The following MPC2 variants were observed in gnomAD, a reference collection of about 807,000 sequenced individuals.
The protein encoded by MPC2 is mitochondrial pyruvate carrier 2.
Under a neutral mutation model 19.2 loss-of-function variants are expected in MPC2, and 19 were observed. The ratio of observed to expected loss-of-function variants is 0.99; its 90% CI spans 0.69 to 1.45. The LOEUF (loss-of-function observed/expected upper bound fraction) is 1.45, where lower values mean the gene tolerates loss of function less well. Ranked by LOEUF, MPC2 falls within the 40% of genes most tolerant of loss-of-function variation. The pLI is 0.00. For missense variants in MPC2, 122 were observed against 153.0 expected, an observed-to-expected ratio of 0.80 and a Z score of 1.07; for synonymous variants, 61 against 54.3, an observed-to-expected ratio of 1.12 and a Z score of -0.54.
chr1:167,936,796 G>A, intron 1 of MPC2, 143 bp downstream of exon 1: 1 of 929,696 alleles, frequency 1.1e-6, no homozygotes, highest in South Asian at 1.6e-5. Flanking sequence ...GCTGCGCCCT[G>A]GAGGCCCGGC....
intron 2 of MPC2, among the ~76,000 whole-genome samples, chr1:167,929,312 T>C (rs1670841007): frequency 6.6e-6 from 1 of 151,992 alleles, no homozygotes; most frequent in Non-Finnish European, 1.5e-5. Context: ...TGAGCCGAGA[T>C]TGCACCATTG....
rs1670760564 is a variant in MPC2, at chr1:167,926,594, C to G, written c.110-2057G>C. Among the ~76,000 whole-genome samples, 4 of 152,298 alleles carry G rather than the reference C, an allele frequency of 2.6e-5. No homozygotes were observed. In the South Asian group the frequency reaches 6.2e-4, roughly 24 times the overall value. On this transcript the variant is annotated intron_variant, in intron 2 of 5. Transcript: ENST00000271373. The stretch of plus-strand genomic sequence containing the variant: ...CCCCCAGGGGCATTTTTAGTTGCCC[C>G]AACTGTGGTGCCCCAACTGCTGCAG...
chr1:167,928,488 C>T (rs151163228), intron 2 of MPC2, among the ~76,000 whole-genome samples: 2 of 152,042 alleles, frequency 1.3e-5, no homozygotes, highest in Non-Finnish European at 2.9e-5. Flanking sequence ...ATATATAAAA[C>T]AGATACAGAG....
chr1:167,935,811 C>G lies in MPC2; in HGVS notation c.31G>C (p.Ala11Pro), dbSNP rs761366753. The G allele has an allele frequency of 5.8e-6, 9 of 1,556,080 alleles. No homozygotes were observed. The South Asian group carries it at 7.1e-5, about 12-fold the overall frequency. MSAAGARGLR[A>P]TYHRLLDKVE... ...TTATCGAGGAGCCGGTGGTAGGTGG[C>G]CCGCAGGCCTCGGGCACCGGCGGCC... Residue 11 changes from alanine (A) to proline (P), a missense_variant, in exon 2 of 6, where the codon GCC becomes CCC. Coordinates refer to ENST00000271373, the MANE Select transcript of MPC2 (RefSeq NM_001143674.4).
At position 167,936,966 on chromosome 1, in the gene MPC2, C is replaced by G; in HGVS notation, c.-85G>C. 6.2e-7 allele frequency: 1 copy of G among 1,611,276 alleles called. No homozygotes were observed. Among genetic ancestry groups the G allele is most frequent in the South Asian group, 1.1e-5 (1 of 90,430 alleles). On this transcript the variant is annotated 5_prime_UTR_variant, in exon 1 of 6. Transcript: ENST00000271373. ...GTTGTGGGACGTGAGGAAAAGGTCC[C>G]TCGGGCTGGAGGACCCGTCCCGGCT... is the stretch of plus-strand genomic sequence containing the variant.
intron 2 of MPC2, among the ~76,000 whole-genome samples, chr1:167,933,401 A>C (rs1373516614): frequency 6.6e-6 from 1 of 152,132 alleles, no homozygotes; most frequent in Non-Finnish European, 1.5e-5. Context: ...TCCTGACCTC[A>C]GGTGATCCAC....
chr1:167,932,174 ACT>A (rs1174015470), intron 2 of MPC2, among the ~76,000 whole-genome samples: 1 of 152,084 alleles, frequency 6.6e-6, no homozygotes, highest in Non-Finnish European at 1.5e-5. Flanking sequence ...TAGTTTTTAG[ACT>A]CTTTAGAGCT....
At chr1:167,920,501 T>C in intron 4 of MPC2, 46 bp downstream of exon 4, 2 of 1,586,570 alleles carry the variant, frequency 1.3e-6, no homozygotes, top group Non-Finnish European at 1.7e-6. Flanking sequence ...AAAACAAAAA[T>C]CATTTATGTT....
At chr1:167,936,522 G>A (rs1298309835) in intron 1 of MPC2, 2 of 234,964 alleles carry the variant, frequency 8.5e-6, no homozygotes, top group Non-Finnish European at 1.7e-5. Flanking sequence ...GAGGGCAGCC[G>A]CAGCACACAC....
intron 3 of MPC2, among the ~76,000 whole-genome samples, chr1:167,922,153 TAGAAGA>T: frequency 6.6e-6 from 1 of 152,290 alleles, no homozygotes; most frequent in East Asian, 1.9e-4. Flanking sequence ...AAGTATCTAA[TAGAAGA>T]AGTCTCCCCA....
chr1:167,928,303 G>C (rs1015898312), intron 2 of MPC2, among the ~76,000 whole-genome samples: 1 of 146,444 alleles, frequency 6.8e-6, no homozygotes, highest in East Asian at 2.0e-4. Flanking sequence ...AGCCGAGATC[G>C]CACCACTGCA....
Position 167,936,961 on chromosome 1 carries a change from G to T in MPC2, c.-80C>A. ...CACCTGTTGTGGGACGTGAGGAAAA[G>T]GTCCCTCGGGCTGGAGGACCCGTCC... On this transcript the variant is annotated 5_prime_UTR_variant, in exon 1 of 6. Transcript: ENST00000271373. The T allele has an allele frequency of 6.2e-7, 1 of 1,611,084 alleles. No individual in the cohort carries two copies. The highest frequency in any genetic ancestry group is 8.5e-7 in the Non-Finnish European group (1 of 1,179,192).
chr1:167,919,129 AT>A (rs1670539595), intron 5 of MPC2, among the ~76,000 whole-genome samples: 1 of 152,358 alleles, frequency 6.6e-6, no homozygotes, highest in African/African-American at 2.4e-5. Context: ...CTAAAGTAAA[AT>A]ATACTTCTAA....
chr1:167,924,389 A>G, intron 3 of MPC2, 108 bp downstream of exon 3: 1 of 848,698 alleles, frequency 1.2e-6, no homozygotes, highest in Non-Finnish European at 1.8e-6. Flanking sequence ...ATCTAGAGGC[A>G]TACCAAGAAT....
intron 2 of MPC2, among the ~76,000 whole-genome samples, chr1:167,927,855 G>T (rs74120569): frequency 0.03 from 4,638 of 152,260 alleles, 235 homozygotes; most frequent in African/African-American, 0.11. Flanking sequence ...AGGTATTTTA[G>T]TGAGTGAATA....
At chr1:167,925,458 T>C (rs185757641) in intron 2 of MPC2, among the ~76,000 whole-genome samples, 2 of 113,722 alleles carry the variant, frequency 1.8e-5, no homozygotes, top group Admixed American at 9.5e-5. Flanking sequence ...TATATATATA[T>C]ATATATATAT....
intron 2 of MPC2, among the ~76,000 whole-genome samples, chr1:167,930,619 T>A (rs1670880553): frequency 6.6e-6 from 1 of 152,192 alleles, no homozygotes; most frequent in South Asian, 2.1e-4. Flanking sequence ...CCAAGCTCCC[T>A]CATTTTTATA....
chr1:167,916,836 CA>C lies in MPC2; in HGVS notation c.*1486del, dbSNP rs1413255816. 4 of 152,198 alleles carry C rather than the reference CA, an allele frequency of 2.6e-5. No individual in the cohort carries two copies. Among genetic ancestry groups the C allele is most frequent in the African/African-American group, 9.6e-5 (4 of 41,454 alleles). 9.4% of individuals were successfully genotyped at this position (152,198 alleles called of 1,614,324 possible). A position where few individuals can be genotyped will look rare whatever the true frequency, so the allele number is the denominator to read the frequency against. ...TGTGTGCACACCCATGCCAAACACA[CA>C]AATGAATTTAACAGTGTGGTTTATG... On this transcript the variant is annotated 3_prime_UTR_variant, in exon 6 of 6. Transcript: ENST00000271373.
intron 3 of MPC2, 94 bp from the exon 4 acceptor site, chr1:167,920,725 G>A (rs898634498): frequency 2.3e-5 from 28 of 1,222,090 alleles, no homozygotes; most frequent in African/African-American, 7.8e-5. Flanking sequence ...TGAGATTTCC[G>A]TAAGTTAGCA....
Sources: allele counts gnomAD v4.1 joint callset (sites outside exome capture counted in the v4.1 genomes callset), GRCh38; gene constraint gnomAD v4.1.1; transcripts MANE v1.5; gene names NCBI Gene and HGNC (gene_info 2026-07-23, HGNC 2026-07-21).